Variants in SCN11A observed in about 807,000 individuals in gnomAD.
SCN11A encodes the protein sodium channel protein type 11 subunit alpha.
A neutral mutation model predicts 162.2 loss-of-function variants in SCN11A; 122 were observed. The observed-to-expected ratio is 0.75, with a 90% CI of 0.65 to 0.87. SCN11A has a LOEUF of 0.87. SCN11A is among the 40% of genes least tolerant of loss of function. The pLI is 0.00. For synonymous variants in SCN11A, 758 were observed against 751.5 expected (o/e 1.01, Z -0.14); for missense variants, 2,015 against 2,181.6 (o/e 0.92, Z 1.52).
At chr3:39,037,574 T>G (rs1193412102) in intron 1 of SCN11A, among the ~76,000 whole-genome samples, 2 of 152,106 alleles carry the variant, frequency 1.3e-5, no homozygotes, top group Non-Finnish European at 2.9e-5. Context: ...TATGCCTCTA[T>G]CAAAGTATCT....
chr3:38,911,647 C>T (rs2065888905), intron 11 of SCN11A, among the ~76,000 whole-genome samples: 1 of 152,120 alleles, frequency 6.6e-6, no homozygotes, highest in African/African-American at 2.4e-5. Context: ...AAAGTTGGGA[C>T]TTTTGAATTG....
chr3:38,940,281 C>A (rs1422490547), intron 7 of SCN11A, among the ~76,000 whole-genome samples: 2 of 152,068 alleles, frequency 1.3e-5, no homozygotes, highest in Non-Finnish European at 2.9e-5. Flanking sequence ...TGAGTTCCAA[C>A]CTCATAAAGA....
At chr3:38,975,923 C>T (rs572945597) in intron 2 of SCN11A, among the ~76,000 whole-genome samples, 31 of 152,038 alleles carry the variant, frequency 2.0e-4, no homozygotes, top group Non-Finnish European at 1.6e-4. Context: ...ATGTACTTAA[C>T]GCTATATTGA....
At chr3:39,005,939 G>C (rs937081680) in intron 2 of SCN11A, among the ~76,000 whole-genome samples, 1 of 152,040 alleles carries the variant, frequency 6.6e-6, no homozygotes, top group Non-Finnish European at 1.5e-5. Context: ...AAAGTCCAGA[G>C]TACTGAGATT....
intron 2 of SCN11A, among the ~76,000 whole-genome samples, chr3:38,968,569 A>G (rs2066796932): frequency 6.6e-6 from 1 of 152,194 alleles, no homozygotes; most frequent in Non-Finnish European, 1.5e-5. Context: ...GGGAAAACAC[A>G]CATGCCTCCC....
chr3:38,883,246 C>T lies in SCN11A; in HGVS notation c.3206G>A (p.Ser1069Asn). Residue 1069 changes from serine to asparagine, a missense_variant, in exon 22 of 30, where the codon AGC becomes AAC. Transcript: ENST00000302328. ...ATGATGATTTACCAGTGCCCCACTGCTCAGCAGAATCACAAAGATAATAAA... is the reference window on the plus strand; with the variant it reads ...ATGATGATTTACCAGTGCCCCACTGTTCAGCAGAATCACAAAGATAATAAA... ...ESFIIFVILL[S>N]SGALIFEDVH... is the part of the protein sequence containing the mutation. 3 of 1,613,368 alleles carry T rather than the reference C, an allele frequency of 1.9e-6. No homozygotes were observed. Among genetic ancestry groups the T allele is most frequent in the Non-Finnish European group, 2.5e-6 (3 of 1,179,566 alleles).
chr3:39,036,073 T>C (rs931477627), intron 1 of SCN11A, among the ~76,000 whole-genome samples: 1 of 152,252 alleles, frequency 6.6e-6, no homozygotes, highest in Non-Finnish European at 1.5e-5. Flanking sequence ...TTGATTGGCA[T>C]AGTGCGTTAT....
rs2065847040 is a variant in SCN11A, at chr3:38,909,078, C to T, written c.1218G>A (p.Gln406=). The T allele has an allele frequency of 3.1e-6, 5 of 1,614,150 alleles. No individual in the cohort carries two copies. Among genetic ancestry groups the T allele is most frequent in the Non-Finnish European group, 3.4e-6 (4 of 1,180,004 alleles). ...LAVVTMAYEE[Q]NKNVAAEIEA... ...CTATCTCTGCAGCTACATTCTTGTT[C>T]TGCTCCTCATATGCCATGGTAACAA... The change falls in exon 13 of 30, where the codon CAG becomes CAA. Residue 406 remains glutamine (Q), a synonymous_variant. Transcript: ENST00000302328.
In SCN11A at chr3:39,043,903, A is replaced by G. The variant is rs144024743; in HGVS notation, c.-404+7958T>C. ...AAATGCTTGAGGAGATGGATACCCA[A>G]TTTTCCATGATGTGATTACCATGCA... is the stretch of plus-strand genomic sequence containing the variant. On this transcript the variant is annotated intron_variant, in intron 1 of 29. Coordinates refer to ENST00000302328, the MANE Select transcript of SCN11A (RefSeq NM_001349253.2). Among the ~76,000 whole-genome samples, 754 of 152,254 alleles carry G rather than the reference A, an allele frequency of 5.0e-3. 7 individuals carry two copies. The highest frequency in any genetic ancestry group is 0.016 in the African/African-American group (669 of 41,536).
chr3:38,905,183 G>A lies in SCN11A; in HGVS notation c.1603+9C>T. The stretch of plus-strand genomic sequence containing the variant: ...TAGACTTTCCCTTGGATTGGGATGT[G>A]GAACTTACCCTTCATGGTGATGGTG... On this transcript the variant is annotated intron_variant, in intron 15 of 29. Transcript: ENST00000302328. 1 of 1,613,950 alleles carries A rather than the reference G, an allele frequency of 6.2e-7. No homozygotes were observed. The highest frequency in any genetic ancestry group is 8.5e-7 in the Non-Finnish European group (1 of 1,179,888).
chr3:38,921,681 G>C (rs2066054641), intron 9 of SCN11A, among the ~76,000 whole-genome samples: 1 of 152,140 alleles, frequency 6.6e-6, no homozygotes, highest in Non-Finnish European at 1.5e-5. Context: ...TGAGTACCAT[G>C]AGACACAGCT....
intron 2 of SCN11A, among the ~76,000 whole-genome samples, chr3:38,975,975 G>A (rs1367656208): frequency 1.3e-5 from 2 of 151,932 alleles, no homozygotes; most frequent in Admixed American, 1.3e-4. Context: ...TTTTATGTTA[G>A]GTGTATTTAC....
intron 2 of SCN11A, among the ~76,000 whole-genome samples, chr3:38,985,493 A>G (rs2030206446): frequency 1.3e-5 from 2 of 150,780 alleles, no homozygotes; most frequent in African/African-American, 5.0e-5. Flanking sequence ...CAGTGGGGAC[A>G]CTGTTGCAGG....
chr3:38,931,582 G>A (rs960744373), intron 7 of SCN11A, among the ~76,000 whole-genome samples: 2 of 152,178 alleles, frequency 1.3e-5, no homozygotes, highest in African/African-American at 2.4e-5. Flanking sequence ...GACGAGAGTG[G>A]GCATTGCCCA....
intron 20 of SCN11A, among the ~76,000 whole-genome samples, chr3:38,885,897 G>A (rs1474296546): frequency 6.6e-6 from 1 of 152,180 alleles, no homozygotes; most frequent in Non-Finnish European, 1.5e-5. Flanking sequence ...AGAGGCCAAG[G>A]ATATGGATAA....
intron 16 of SCN11A, among the ~76,000 whole-genome samples, chr3:38,903,501 G>C (rs2065737062): frequency 6.6e-6 from 1 of 152,136 alleles, no homozygotes; most frequent in African/African-American, 2.4e-5. Flanking sequence ...ATTATTTTGT[G>C]ACAAATGATG....
Position 38,904,005 on chromosome 3 carries a change from T to C in SCN11A, c.1702A>G (p.Lys568Glu). The change falls in exon 16 of 30, where the codon AAG (lysine) becomes GAG (glutamate). Residue 568 changes from lysine (K) to glutamate (E), a missense_variant. Transcript: ENST00000302328. ...TCAGTCATCACAGTTCTCAGGACCTTCTTAACGCACAGCCACTGGGGGCAA... is the reference window on the plus strand; with the variant it reads ...TCAGTCATCACAGTTCTCAGGACCTCCTTAACGCACAGCCACTGGGGGCAA... The part of the protein sequence containing the change: ...NCCPQWLCVK[K>E]VLRTVMTDPF... 6.2e-7 allele frequency: 1 copy of C among 1,613,220 alleles called. No individual in the cohort carries two copies. Among genetic ancestry groups the C allele is most frequent in the Non-Finnish European group, 8.5e-7 (1 of 1,179,746 alleles).
In SCN11A at chr3:38,897,212, T is replaced by C. The variant is rs1292187103; in HGVS notation, c.2036A>G (p.Lys679Arg). The change falls in exon 18 of 30, where the codon AAG becomes AGG. Residue 679 changes from lysine to arginine, a missense_variant. Lys to Arg is a conservative substitution (Grantham distance 26, BLOSUM62 2). Coordinates refer to ENST00000302328, the MANE Select transcript of SCN11A (RefSeq NM_001349253.2). Reference protein sequence around the residue: ...LRSFRVLRVFKLAKSWPTLNT... With the variant: ...LRSFRVLRVFRLAKSWPTLNT... Reference sequence around the variant, plus strand: ...CAAAGTTGGCCAGGATTTGGCTAACTTGAAGACCCTGAGCTGTAGAAAAAG... The same window carrying C: ...CAAAGTTGGCCAGGATTTGGCTAACCTGAAGACCCTGAGCTGTAGAAAAAG... 6.2e-7 allele frequency: 1 copy of C among 1,609,368 alleles called. No individual in the cohort carries two copies.
At chr3:38,915,699 C>G (rs1414860503) in intron 11 of SCN11A, among the ~76,000 whole-genome samples, 1 of 151,882 alleles carries the variant, frequency 6.6e-6, no homozygotes, top group Non-Finnish European at 1.5e-5. Flanking sequence ...TTTGCATTTG[C>G]TGAAGCTTGT....
Sources: gnomAD v4.1 joint callset for allele counts (sites outside exome capture counted in the v4.1 genomes callset) on GRCh38, gnomAD v4.1.1 for gene constraint, MANE v1.5 for transcripts, NCBI Gene and HGNC (gene_info 2026-07-23, HGNC 2026-07-21) for gene names.